The following PIGK variants were observed in gnomAD, a reference collection of about 807,000 sequenced individuals.
PIGK encodes phosphatidylinositol glycan anchor biosynthesis class K.
In PIGK, 42 loss-of-function variants were observed where a neutral mutation model predicts 50.6. The observed-to-expected ratio is 0.83, with a 90% CI of 0.65 to 1.07. PIGK has a LOEUF of 1.07. Among genes scored for constraint, PIGK ranks in the 50% least tolerant of loss-of-function variants. The pLI, the probability that PIGK is intolerant of heterozygous loss-of-function variation, is 0.00. For missense variants in PIGK, 448 were observed against 488.7 expected (o/e 0.92, Z 0.78); for synonymous variants, 151 against 156.0 (o/e 0.97, Z 0.24).
chr1:77,130,189 CT>C lies in PIGK; in HGVS notation c.987-7831del, dbSNP rs67252426. ...TCTCTTTTAACTTTGTTTGCATTGTCTTTTTTTTTTTTTTTTGCTATATATG... is the reference window on the plus strand; with the variant it reads ...TCTCTTTTAACTTTGTTTGCATTGTCTTTTTTTTTTTTTTTGCTATATATG... On this transcript the variant is annotated intron_variant, in intron 9 of 10. Transcript: ENST00000370812. Among the ~76,000 whole-genome samples, 689 of 103,908 alleles carry C rather than the reference CT, an allele frequency of 6.6e-3. 7 individuals carry two copies. Among genetic ancestry groups the C allele is most frequent in the African/African-American group, 0.013 (332 of 25,122 alleles). The allele number at this position is 103,908 out of a possible 152,430, so 68.2% of individuals were successfully genotyped here. A position where few individuals can be genotyped will look rare whatever the true frequency, so the allele number is the denominator to read the frequency against.
chr1:77,134,108 T>C (rs1239827133), intron 9 of PIGK, among the ~76,000 whole-genome samples: 1 of 152,118 alleles, frequency 6.6e-6, no homozygotes, highest in African/African-American at 2.4e-5. Context: ...AAAACTTTAT[T>C]TTAAAAAATA....
At chr1:77,092,598 G>C in intron 10 of PIGK, 108 bp from the exon 11 acceptor site, 1 of 696,874 alleles carries the variant, frequency 1.4e-6, no homozygotes, top group Non-Finnish European at 2.6e-6. Context: ...TGTTTGAATG[G>C]GGACTAGTTA....
At chr1:77,207,734 C>G (rs776583450) in intron 2 of PIGK, among the ~76,000 whole-genome samples, 58 of 152,054 alleles carry the variant, frequency 3.8e-4, no homozygotes, top group Non-Finnish European at 6.8e-4. Flanking sequence ...AGTACAATCC[C>G]GGCTTCTATC....
intron 3 of PIGK, among the ~76,000 whole-genome samples, chr1:77,183,030 G>A (rs908555645): frequency 1.3e-5 from 2 of 152,162 alleles, no homozygotes; most frequent in African/African-American, 4.8e-5. Context: ...AGATTGCCCT[G>A]ACTGAGAGTC....
At chr1:77,169,177 TA>T in intron 4 of PIGK, 82 bp downstream of exon 4, 1 of 878,888 alleles carries the variant, frequency 1.1e-6, no homozygotes, top group Non-Finnish European at 1.6e-6. Context: ...AGAAAAATAA[TA>T]AGACAATTTT....
intron 9 of PIGK, 30 bp from the exon 10 acceptor site, chr1:77,122,389 T>G (rs552790393): frequency 8.6e-7 from 1 of 1,163,264 alleles, no homozygotes; most frequent in South Asian, 1.3e-5. Flanking sequence ...AACACAGAGC[T>G]AAGGCAAATA....
intron 10 of PIGK, among the ~76,000 whole-genome samples, chr1:77,098,129 G>C (rs569955467): frequency 2.8e-4 from 42 of 152,054 alleles, no homozygotes; most frequent in Non-Finnish European, 5.7e-4. Context: ...TAGTCCTACT[G>C]GTGCTGTAAA....
At chr1:77,159,913 T>A (rs1655096963) in intron 8 of PIGK, among the ~76,000 whole-genome samples, 1 of 151,922 alleles carries the variant, frequency 6.6e-6, no homozygotes, top group Non-Finnish European at 1.5e-5. Context: ...GACTTTGGAG[T>A]ACTGTTGGGA....
At chr1:77,128,201 TGA>T (rs1424088588) in intron 9 of PIGK, among the ~76,000 whole-genome samples, 1 of 152,100 alleles carries the variant, frequency 6.6e-6, no homozygotes, top group African/African-American at 2.4e-5. Flanking sequence ...TAAAAACTTG[TGA>T]GAGAAGATAT....
chr1:77,206,847 A>G, intron 2 of PIGK, 116 bp from the exon 3 acceptor site: 1 of 613,418 alleles, frequency 1.6e-6, no homozygotes, highest in Non-Finnish European at 2.9e-6. Flanking sequence ...GCCATAATTC[A>G]GGCTTTAAAA....
At chr1:77,205,230 T>C (rs1360788779) in intron 3 of PIGK, among the ~76,000 whole-genome samples, 6 of 151,930 alleles carry the variant, frequency 3.9e-5, no homozygotes, top group Admixed American at 3.9e-4. Context: ...GTATATCCAG[T>C]ATAGACGCAA....
chr1:77,133,948 C>T (rs1335216197), intron 9 of PIGK, among the ~76,000 whole-genome samples: 1 of 152,158 alleles, frequency 6.6e-6, no homozygotes, highest in Admixed American at 6.5e-5. Flanking sequence ...ACTCTGTCCC[C>T]GTTAGTAACC....
chr1:77,160,228 T>C (rs1655103003), intron 8 of PIGK, among the ~76,000 whole-genome samples: 1 of 152,224 alleles, frequency 6.6e-6, no homozygotes, highest in South Asian at 2.1e-4. Context: ...CCTTCTGCCA[T>C]GATTATGAAG....
intron 1 of PIGK, among the ~76,000 whole-genome samples, chr1:77,216,344 A>G (rs1273111685): frequency 6.6e-6 from 1 of 152,204 alleles, no homozygotes; most frequent in African/African-American, 2.4e-5. Context: ...AACAGATTTT[A>G]GAGTGTACAT....
chr1:77,129,148 C>T (rs778850271), intron 9 of PIGK: 22 of 1,533,730 alleles, frequency 1.4e-5, no homozygotes, highest in East Asian at 4.5e-5. Flanking sequence ...GAGAACCCCA[C>T]GAAATCATGC....
In PIGK at chr1:77,142,775, A is replaced by G. The variant is rs1654677058; in HGVS notation, c.986+11674T>C. ...ATGGGGGAAATCACACCATGACCCA[A>G]TCACCTTCCTCCTTCTCTCCACACA... On this transcript the variant is annotated intron_variant, in intron 9 of 10. Transcript: ENST00000370812. Among the ~76,000 whole-genome samples, 3 of 152,150 alleles carry G rather than the reference A, an allele frequency of 2.0e-5. 1 individual carries two copies. The highest frequency in any genetic ancestry group is 2.0e-4 in the Admixed American group (3 of 15,266).
In PIGK at chr1:77,154,483, T is replaced by C; in HGVS notation, c.952A>G (p.Lys318Glu). ...RKVEITTETI[K>E]LQQDSEIMES... ...ATGATTTCTGAATCCTGTTGCAATTTAATAGTCTCTGTTGTAATTTCCACT... is the reference window on the plus strand; with the variant it reads ...ATGATTTCTGAATCCTGTTGCAATTCAATAGTCTCTGTTGTAATTTCCACT... Residue 318 changes from lysine to glutamate, a missense_variant, in exon 9 of 11, where the codon AAA becomes GAA. Physicochemically the swap from Lys to Glu is moderately conservative, Grantham distance 56. Coordinates refer to ENST00000370812, the MANE Select transcript of PIGK (RefSeq NM_005482.3). 1 of 1,611,584 alleles carries C rather than the reference T, an allele frequency of 6.2e-7. No individual in the cohort carries two copies. The highest frequency in any genetic ancestry group is 8.5e-7 in the Non-Finnish European group (1 of 1,178,418).
intron 2 of PIGK, among the ~76,000 whole-genome samples, chr1:77,209,447 C>A (rs1310299814): frequency 1.3e-5 from 2 of 151,828 alleles, no homozygotes; most frequent in Non-Finnish European, 2.9e-5. Flanking sequence ...CAAATTAAAA[C>A]AAAATGTAAT....
chr1:77,152,152 G>C (rs1654907560), intron 9 of PIGK, among the ~76,000 whole-genome samples: 1 of 152,026 alleles, frequency 6.6e-6, no homozygotes, highest in Non-Finnish European at 1.5e-5. Flanking sequence ...GATAAAAACA[G>C]ACACACAGAC....
Sources: allele counts gnomAD v4.1 joint callset (sites outside exome capture counted in the v4.1 genomes callset), GRCh38; gene constraint gnomAD v4.1.1; transcripts MANE v1.5; gene names NCBI Gene and HGNC (gene_info 2026-07-23, HGNC 2026-07-21).